Variants in MDFI observed in about 807,000 individuals in gnomAD.
MDFI encodes the protein MyoD family inhibitor.
A neutral mutation model predicts 22.3 loss-of-function variants in MDFI; 16 were observed. The ratio of observed to expected loss-of-function variants is 0.72; its 90% CI spans 0.49 to 1.09. MDFI has a LOEUF of 1.09. Ranked by LOEUF, MDFI falls within the 50% of genes least tolerant of loss-of-function variation. The probability of loss-of-function intolerance (pLI) is 0.00; values close to 1 mark genes in which losing one functional copy is unlikely to be tolerated. For missense variants in MDFI, 314 were observed against 326.1 expected (o/e 0.96, Z 0.29); for synonymous variants, 145 against 142.7 (o/e 1.02, Z -0.12).
intron 4 of MDFI, among the ~76,000 whole-genome samples, chr6:41,652,342 G>A (rs1285512542): frequency 3.9e-5 from 6 of 152,218 alleles, no homozygotes; most frequent in Non-Finnish European, 8.8e-5. Context: ...AGAGGGCACA[G>A]GGACCACACT....
At chr6:41,647,615 T>C (rs1485244446) in intron 3 of MDFI, among the ~76,000 whole-genome samples, 1 of 151,280 alleles carries the variant, frequency 6.6e-6, no homozygotes, top group Non-Finnish European at 1.5e-5. Context: ...TCCCCCACCT[T>C]GTCCTCAGCT....
chr6:41,646,702 G>A (rs989543239), intron 3 of MDFI, among the ~76,000 whole-genome samples: 1 of 152,200 alleles, frequency 6.6e-6, no homozygotes, highest in African/African-American at 2.4e-5. Context: ...TAGGGCGAAA[G>A]GAACAAAATT....
rs111390677 is a variant in MDFI, at chr6:41,649,782, C to G, written c.423C>G (p.Ser141Arg). The stretch of plus-strand genomic sequence containing the variant: ...ACCCATCTCTCGCCAGCCAGGGCAG[C>G]AAGAAGAGTAAGAGCAGCAGCAAAT... The part of the protein sequence containing the change: ...QTHPSLASQG[S>R]KKSKSSSKST... Residue 141 changes from serine (S) to arginine (R), a missense_variant, in exon 4 of 5, where the codon AGC (serine) becomes AGG (arginine). Transcript: ENST00000230321. 1.2e-6 allele frequency: 2 copies of G among 1,614,064 alleles called. No individual in the cohort carries two copies. Among genetic ancestry groups the G allele is most frequent in the Admixed American group, 3.3e-5 (2 of 60,024 alleles).
At chr6:41,648,771 C>G (rs1768150300) in intron 3 of MDFI, among the ~76,000 whole-genome samples, 1 of 152,220 alleles carries the variant, frequency 6.6e-6, no homozygotes, top group Non-Finnish European at 1.5e-5. Context: ...GAGAGCAGAA[C>G]TGAGCCAGCT....
chr6:41,647,885 T>C (rs993112968), intron 3 of MDFI, among the ~76,000 whole-genome samples: 4 of 150,976 alleles, frequency 2.6e-5, no homozygotes, highest in Admixed American at 6.6e-5. Context: ...TACTAAAAAA[T>C]ACAAAAAATT....
rs1336849226 is a variant in MDFI, at chr6:41,649,731, C to T, written c.372C>T (p.Pro124=). 6.2e-7 allele frequency: 1 copy of T among 1,614,020 alleles called. No homozygotes were observed. The highest frequency in any genetic ancestry group is 8.5e-7 in the Non-Finnish European group (1 of 1,180,028). The change falls in exon 4 of 5, where the codon CCC becomes CCT. Residue 124 remains proline (P), a synonymous_variant. Coordinates refer to ENST00000230321, the MANE Select transcript of MDFI (RefSeq NM_005586.4). ...CGGGGAATGGTGCCCTGGGTGGCCC[C>T]AAGGCCCACCGGAAGTTGCAGACAC... ...RRAGNGALGG[P]KAHRKLQTHP...
intron 2 of MDFI, among the ~76,000 whole-genome samples, chr6:41,644,755 A>C (rs894319158): frequency 6.9e-6 from 1 of 145,604 alleles, no homozygotes; most frequent in South Asian, 2.3e-4. Context: ...CTCTGTGTCA[A>C]CCCCTCACTA....
chr6:41,645,207 C>T (rs986368339), intron 2 of MDFI, among the ~76,000 whole-genome samples: 6 of 152,020 alleles, frequency 3.9e-5, no homozygotes, highest in Non-Finnish European at 7.4e-5. Context: ...AGCCTGGGCC[C>T]GCCCCTGACC....
rs933544266 is a variant in MDFI, at chr6:41,654,215, T to G, written c.*640T>G. 4 of 157,578 alleles carry G rather than the reference T, an allele frequency of 2.5e-5. No individual in the cohort carries two copies. The highest frequency in any genetic ancestry group is 9.6e-5 in the African/African-American group (4 of 41,488). 9.8% of individuals were successfully genotyped at this position (157,578 alleles called of 1,614,324 possible). A position where few individuals can be genotyped will look rare whatever the true frequency, so the allele number is the denominator to read the frequency against. On this transcript the variant is annotated 3_prime_UTR_variant, in exon 5 of 5. Transcript: ENST00000230321. The stretch of plus-strand genomic sequence containing the variant: ...GGGAGGGAGGGTCTGTTCTATCTGT[T>G]GCTGTAAATAAAGATATTTGTCCAT...
In MDFI at chr6:41,649,551, C is replaced by T. The variant is rs1255608143; in HGVS notation, c.260-68C>T. 5 of 1,390,172 alleles carry T rather than the reference C, an allele frequency of 3.6e-6. No homozygotes were observed. The South Asian group carries it at 4.2e-5, about 12-fold the overall frequency. 86.1% of individuals were successfully genotyped at this position (1,390,172 alleles called of 1,614,324 possible). ...ATGTAAGAATGCAGCAGGCAGGATT[C>T]GAGCATAGCTCTGGGGGCCGAATGA... On this transcript the variant is annotated intron_variant, in intron 3 of 4. Transcript: ENST00000230321.
chr6:41,650,804 C>T (rs1387240777), intron 4 of MDFI, among the ~76,000 whole-genome samples: 1 of 151,920 alleles, frequency 6.6e-6, no homozygotes, highest in African/African-American at 2.4e-5. Flanking sequence ...GAACTCCTGA[C>T]CTCAGGTGAT....
At chr6:41,645,741 A>C (rs1050906226) in intron 2 of MDFI, among the ~76,000 whole-genome samples, 9 of 150,274 alleles carry the variant, frequency 6.0e-5, no homozygotes, top group Middle Eastern at 3.2e-3. Context: ...TCTACCTCTC[A>C]CTGTCCCTTT....
Position 41,638,814 on chromosome 6 carries a change from C to A in MDFI, c.65C>A (p.Ala22Asp). 6.4e-7 allele frequency: 1 copy of A among 1,559,674 alleles called. No individual in the cohort carries two copies. The change falls in exon 2 of 5, where the codon GCC becomes GAC. Residue 22 changes from alanine to aspartate, a missense_variant. Coordinates refer to ENST00000230321, the MANE Select transcript of MDFI (RefSeq NM_005586.4). The surrounding 1 kb of genome is among the most constrained non-coding windows in gnomAD (Gnocchi z 7.6). ...GCGCCCTATGGAGCCCCCAGCGCAG[C>A]CCCGGGCCCAGGTAGGACCGGGAGT... The part of the protein sequence containing the change: ...CDAPYGAPSA[A>D]PGPAQTLSLL...
At chr6:41,644,620 C>T (rs1767978850) in intron 2 of MDFI, among the ~76,000 whole-genome samples, 1 of 152,110 alleles carries the variant, frequency 6.6e-6, no homozygotes, top group Non-Finnish European at 1.5e-5. Flanking sequence ...AGCATGCTTC[C>T]AACTCCCATC....
At chr6:41,645,821 TTG>T (rs112892638) in intron 2 of MDFI, among the ~76,000 whole-genome samples, 101,527 of 151,796 alleles carry the variant, frequency 0.67, 34,145 homozygotes, top group South Asian at 0.77. Context: ...TTCTCCCGTG[TTG>T]TGTTTCTGCC....
At chr6:41,640,465 C>T (rs1437190225) in intron 2 of MDFI, among the ~76,000 whole-genome samples, 1 of 152,180 alleles carries the variant, frequency 6.6e-6, no homozygotes, top group African/African-American at 2.4e-5. Context: ...CAGACCCCCT[C>T]CCCAGCCTGG....
At chr6:41,650,017 C>T in intron 4 of MDFI, 174 bp downstream of exon 4, 3 of 627,878 alleles carry the variant, frequency 4.8e-6, no homozygotes, top group East Asian at 2.9e-5. Context: ...ACAAGCCCTG[C>T]AGGGAACCTG....
Position 41,649,765 on chromosome 6 carries a change from C to T in MDFI, c.406C>T (p.Leu136Phe), listed in dbSNP as rs769758745. 8.1e-6 allele frequency: 13 copies of T among 1,614,026 alleles called. No individual in the cohort carries two copies. The South Asian group carries it at 8.8e-5, about 11-fold the overall frequency. ...CCGGAAGTTGCAGACACACCCATCT[C>T]TCGCCAGCCAGGGCAGCAAGAAGAG... ...AHRKLQTHPS[L>F]ASQGSKKSKS... Residue 136 changes from leucine to phenylalanine, a missense_variant, in exon 4 of 5, where the codon CTC becomes TTC. Coordinates refer to ENST00000230321, the MANE Select transcript of MDFI (RefSeq NM_005586.4).
At position 41,653,268 on chromosome 6, in the gene MDFI, G is replaced by A. The variant is rs772995017; in HGVS notation, c.485-51G>A. 27 of 1,580,036 alleles carry A rather than the reference G, an allele frequency of 1.7e-5. No individual in the cohort carries two copies. The Admixed American group carries it at 2.9e-4, about 17-fold the overall frequency. On this transcript the variant is annotated intron_variant, in intron 4 of 4. Coordinates refer to ENST00000230321, the MANE Select transcript of MDFI (RefSeq NM_005586.4). This position sits in a 1 kb window ranked among gnomAD's most constrained non-coding sequence, Gnocchi z 4.2. ...CCACACCCCCGGCTATTTCACACAC[G>A]CTCATCCCTCCCCTCTCTCACCCGT...
Sources: gnomAD v4.1 joint callset for allele counts (sites outside exome capture counted in the v4.1 genomes callset) on GRCh38, gnomAD v4.1.1 for gene constraint, Gnocchi (gnomAD v3.1) non-coding constraint, MANE v1.5 for transcripts, NCBI Gene and HGNC (gene_info 2026-07-23, HGNC 2026-07-21) for gene names.